Variants in TMEM71 observed in about 807,000 individuals in gnomAD.
TMEM71 encodes the protein transmembrane protein 71.
TMEM71 carries 44 observed loss-of-function variants against 38.0 expected under a neutral mutation model. The observed-to-expected ratio is 1.16, with a 90% confidence interval of 0.91 to 1.49. The LOEUF (loss-of-function observed/expected upper bound fraction) is 1.49, where lower values mean the gene tolerates loss of function less well. TMEM71 is among the 40% of genes most tolerant of loss of function. The probability of loss-of-function intolerance (pLI) is 0.00; values close to 1 mark genes in which losing one functional copy is unlikely to be tolerated. For synonymous variants in TMEM71, 133 were observed against 122.5 expected, an observed-to-expected ratio of 1.09 and a Z score of -0.56; for missense variants, 367 against 348.6, an observed-to-expected ratio of 1.05 and a Z score of -0.42.
chr8:132,758,260 T>C (rs1829143283), intron 2 of TMEM71: 1 of 152,274 alleles, frequency 6.6e-6, no homozygotes, highest in Non-Finnish European at 1.5e-5. Context: ...TAAAGCAGAA[T>C]TTTATCGTGT....
the TMEM71 span, among the ~76,000 whole-genome samples, chr8:132,768,166 GT>G: frequency 6.6e-6 from 1 of 152,180 alleles, no homozygotes; most frequent in Non-Finnish European, 1.5e-5. Context: ...AATAGTTCAT[GT>G]CCAGGTAGTG....
chr8:132,752,828 A>AAAGGAAGGAAGG (rs71299033), intron 3 of TMEM71, among the ~76,000 whole-genome samples: 40 of 118,422 alleles, frequency 3.4e-4, no homozygotes, highest in South Asian at 9.6e-4. Flanking sequence ...GGGAAGGAAG[A>AAAGGAAGGAAGG]AAGGAAGGAA....
At position 132,727,938 on chromosome 8, in the gene TMEM71, TTCCCTGACTCCCAG is replaced by T; in HGVS notation, c.522_535del (p.Asp174GlufsTer26). 1 of 1,614,062 alleles carries T rather than the reference TTCCCTGACTCCCAG, an allele frequency of 6.2e-7. No individual in the cohort carries two copies. Among genetic ancestry groups the T allele is most frequent in the South Asian group, 1.1e-5 (1 of 91,064 alleles). On this transcript the variant is annotated frameshift_variant, in exon 6 of 10. Transcript: ENST00000677595. LOFTEE classifies it high-confidence loss of function. ...GGTGATCACAGACTCTGCATTCATCTTCCCTGACTCCCAGTCATCAGTCAGAGAAGAACAGTCTA... is the reference window on the plus strand; with the variant it reads ...GGTGATCACAGACTCTGCATTCATCTTCATCAGTCAGAGAAGAACAGTCTA...
At chr8:132,721,749 T>C (rs1458056973) in intron 7 of TMEM71, among the ~76,000 whole-genome samples, 2 of 151,910 alleles carry the variant, frequency 1.3e-5, no homozygotes, top group African/African-American at 4.8e-5. Flanking sequence ...TTGGTCAGGC[T>C]GGTCTCGAAC....
At chr8:132,725,501 T>C (rs1827094021) in intron 6 of TMEM71, among the ~76,000 whole-genome samples, 1 of 152,206 alleles carries the variant, frequency 6.6e-6, no homozygotes, top group South Asian at 2.1e-4. Flanking sequence ...CAATAAATTC[T>C]ATTGATTAAT....
At chr8:132,752,270 C>T (rs572975843) in intron 3 of TMEM71, among the ~76,000 whole-genome samples, 2 of 152,128 alleles carry the variant, frequency 1.3e-5, no homozygotes, top group Non-Finnish European at 2.9e-5. Context: ...GGTTAACCTA[C>T]GTTTGATGTT....
At chr8:132,733,333 T>A (rs778733142) in intron 5 of TMEM71, among the ~76,000 whole-genome samples, 1 of 152,190 alleles carries the variant, frequency 6.6e-6, no homozygotes, top group Non-Finnish European at 1.5e-5. Context: ...AGATATGTAG[T>A]GTTGTTATTT....
At chr8:132,714,655 G>A (rs1476310054) in intron 7 of TMEM71, among the ~76,000 whole-genome samples, 1 of 152,164 alleles carries the variant, frequency 6.6e-6, no homozygotes, top group Non-Finnish European at 1.5e-5. Flanking sequence ...ATTTGGCAAT[G>A]AGTTTTAAAA....
chr8:132,770,842 C>T, the TMEM71 span, among the ~76,000 whole-genome samples: 1,441 of 152,226 alleles, frequency 9.5e-3, 21 homozygotes, highest in African/African-American at 0.032. Context: ...GTCCCCAAAC[C>T]TAAGATATAA....
chr8:132,714,217 T>G lies in TMEM71; in HGVS notation c.753-2A>C. ...GCTAATATTTCTCCCATAAACCATC[T>G]GAAACAACAAGATTGCTCTGATTTA... On this transcript the variant is annotated splice_acceptor_variant, in intron 7 of 9. Coordinates refer to ENST00000677595, the MANE Select transcript of TMEM71 (RefSeq NM_001382403.1). LOFTEE classifies it high-confidence loss of function. 6.2e-7 allele frequency: 1 copy of G among 1,609,272 alleles called. No individual in the cohort carries two copies. Among genetic ancestry groups the G allele is most frequent in the Non-Finnish European group, 8.5e-7 (1 of 1,177,156 alleles).
At chr8:132,721,365 C>T (rs1362095913) in intron 7 of TMEM71, among the ~76,000 whole-genome samples, 1 of 152,140 alleles carries the variant, frequency 6.6e-6, no homozygotes, top group Non-Finnish European at 1.5e-5. Flanking sequence ...GGAGTCTCTG[C>T]AGGGACCCTA....
At chr8:132,739,626 A>G (rs1190305318) in intron 5 of TMEM71, among the ~76,000 whole-genome samples, 1 of 152,122 alleles carries the variant, frequency 6.6e-6, no homozygotes. Context: ...TCTGCTGTTT[A>G]TAAGCTAAAT....
chr8:132,773,091 A>C, the TMEM71 span, among the ~76,000 whole-genome samples: 1 of 152,252 alleles, frequency 6.6e-6, no homozygotes, highest in African/African-American at 2.4e-5. Flanking sequence ...TTTTTCACCT[A>C]CATGAATGTC....
intron 7 of TMEM71, among the ~76,000 whole-genome samples, chr8:132,721,149 G>C (rs1308497757): frequency 6.6e-6 from 1 of 152,228 alleles, no homozygotes; most frequent in Non-Finnish European, 1.5e-5. Context: ...GATTCTAAGA[G>C]GCAGAGTGAA....
At chr8:132,761,553 A>G (rs1480550919), upstream of TMEM71, among the ~76,000 whole-genome samples, 1 of 152,218 alleles carries the variant, frequency 6.6e-6, no homozygotes, top group Non-Finnish European at 1.5e-5. Context: ...AGGTTCTGCC[A>G]CATGGCAGGA....
chr8:132,711,831 G>A (rs556637875), intron 9 of TMEM71, among the ~76,000 whole-genome samples: 1 of 152,210 alleles, frequency 6.6e-6, no homozygotes, highest in South Asian at 2.1e-4. Flanking sequence ...TGCAGGATGG[G>A]TGTGTGTGTT....
At chr8:132,756,411 T>TTATATATATA (rs55767264) in intron 3 of TMEM71, among the ~76,000 whole-genome samples, 2,593 of 115,424 alleles carry the variant, frequency 0.022, 56 homozygotes, top group African/African-American at 0.041. Flanking sequence ...AACATATATA[T>TTATATATATA]TATATATATA....
At chr8:132,749,869 C>G (rs1214262919) in intron 4 of TMEM71, among the ~76,000 whole-genome samples, 3 of 152,050 alleles carry the variant, frequency 2.0e-5, no homozygotes, top group Admixed American at 1.3e-4. Flanking sequence ...CAAAAATTAG[C>G]TGGACATGGT....
chr8:132,744,190 G>A (rs1828207366), intron 5 of TMEM71, among the ~76,000 whole-genome samples: 1 of 152,106 alleles, frequency 6.6e-6, no homozygotes, highest in Non-Finnish European at 1.5e-5. Flanking sequence ...ACAGTGCCTG[G>A]AAAATGGTAA....
Sources: allele counts gnomAD v4.1 joint callset (sites outside exome capture counted in the v4.1 genomes callset), GRCh38; gene constraint gnomAD v4.1.1; transcripts MANE v1.5; gene names NCBI Gene and HGNC (gene_info 2026-07-23, HGNC 2026-07-21).